The following PTPRA variants were observed in gnomAD, a reference collection of about 807,000 sequenced individuals.
PTPRA encodes the protein receptor-type tyrosine-protein phosphatase alpha.
Under a neutral mutation model 104.8 loss-of-function variants are expected in PTPRA, and 25 were observed. The observed-to-expected ratio is 0.24, with a 90% CI of 0.17 to 0.33. The LOEUF is 0.33. PTPRA is among the 10% of genes least tolerant of loss of function. PTPRA has a pLI of 1.00. For synonymous variants in PTPRA, 323 were observed against 368.9 expected (o/e 0.88, Z 1.43); for missense variants, 765 against 1,015.3 (o/e 0.75, Z 3.35).
At chr20:3,016,552 A>G (rs1475304888) in intron 12 of PTPRA, among the ~76,000 whole-genome samples, 9 of 152,236 alleles carry the variant, frequency 5.9e-5, no homozygotes, top group Admixed American at 5.9e-4. Flanking sequence ...GTTCAAGATC[A>G]GCCTGGGCAA....
intron 11 of PTPRA, among the ~76,000 whole-genome samples, chr20:3,014,726 C>G (rs528941854): frequency 6.6e-6 from 1 of 152,286 alleles, no homozygotes; most frequent in Non-Finnish European, 1.5e-5. Flanking sequence ...GTTCACATTG[C>G]CACCCTGGTG....
chr20:3,004,134 C>T (rs2063752986), intron 9 of PTPRA, among the ~76,000 whole-genome samples: 1 of 152,250 alleles, frequency 6.6e-6, no homozygotes, highest in African/African-American at 2.4e-5. Context: ...TCTCCTGCCT[C>T]AGCCTCCTGA....
intron 2 of PTPRA, among the ~76,000 whole-genome samples, chr20:2,941,351 C>A (rs1400581837): frequency 3.3e-5 from 5 of 152,128 alleles, no homozygotes; most frequent in African/African-American, 1.2e-4. Flanking sequence ...TGTTATCTGA[C>A]TTACTGGATG....
intron 6 of PTPRA, among the ~76,000 whole-genome samples, chr20:2,984,550 A>G (rs574594052): frequency 1.3e-5 from 2 of 152,294 alleles, no homozygotes; most frequent in African/African-American, 2.4e-5. Context: ...CTCTCACCTC[A>G]TGGCTACTGC....
chr20:2,970,805 CGT>C (rs10616041), intron 5 of PTPRA, among the ~76,000 whole-genome samples: 16,933 of 149,030 alleles, frequency 0.11, 2,291 homozygotes, highest in African/African-American at 0.31. Flanking sequence ...TCTATGGTTT[CGT>C]GTGTGTGTGT....
chr20:2,891,842 T>C (rs1322818961), intron 1 of PTPRA, among the ~76,000 whole-genome samples: 2 of 152,158 alleles, frequency 1.3e-5, no homozygotes, highest in African/African-American at 2.4e-5. Context: ...CTGTGTACTT[T>C]ATAGGCCCTA....
intron 1 of PTPRA, among the ~76,000 whole-genome samples, chr20:2,882,005 A>G (rs900165804): frequency 1.3e-5 from 2 of 152,198 alleles, no homozygotes; most frequent in African/African-American, 4.8e-5. Context: ...TTCAGGGGAA[A>G]AAAAGAAAAA....
At chr20:2,891,196 G>A (rs760433309) in intron 1 of PTPRA, among the ~76,000 whole-genome samples, 1 of 151,982 alleles carries the variant, frequency 6.6e-6, no homozygotes, top group Non-Finnish European at 1.5e-5. Flanking sequence ...CTTAATTCAG[G>A]CTGCTTCTCA....
chr20:2,927,527 A>G (rs750930904), intron 2 of PTPRA, among the ~76,000 whole-genome samples: 2 of 152,130 alleles, frequency 1.3e-5, no homozygotes, highest in African/African-American at 2.4e-5. Context: ...GGCTAGTTCA[A>G]ACCATACACT....
rs2065165267 is a variant in PTPRA at position 3,026,770 on chromosome 20, G to C, written c.1698G>C (p.Gln566His). Reference protein sequence around the residue: ...PANMKKNRVLQIIPYEFNRVI... With the variant: ...PANMKKNRVLHIIPYEFNRVI... ...ACATGAAGAAGAACCGTGTTTTACA[G>C]ATCATTCCATGTAAGAGCCCTCCCG... The change falls in exon 18 of 24, where the codon CAG becomes CAC. Residue 566 changes from glutamine to histidine, a missense_variant. Gln to His is a conservative substitution (Grantham distance 24). Transcript: ENST00000399903. 6.2e-7 allele frequency: 1 copy of C among 1,609,230 alleles called. No homozygotes were observed. Among genetic ancestry groups the C allele is most frequent in the African/African-American group, 1.3e-5 (1 of 74,896 alleles).
At chr20:2,875,338 C>G (rs1244019916) in intron 1 of PTPRA, among the ~76,000 whole-genome samples, 1 of 152,218 alleles carries the variant, frequency 6.6e-6, no homozygotes, top group Non-Finnish European at 1.5e-5. Context: ...AAAAGCCCTT[C>G]AGTCTCTTTT....
chr20:3,037,924 A>T lies in PTPRA; in HGVS notation c.2335-135A>T. 1 of 726,542 alleles carries T rather than the reference A, an allele frequency of 1.4e-6. No homozygotes were observed. Among genetic ancestry groups the T allele is most frequent in the Non-Finnish European group, 2.4e-6 (1 of 423,814 alleles). The allele number at this position is 726,542 out of a possible 1,614,324, so 45.0% of individuals were successfully genotyped here. A position where few individuals can be genotyped will look rare whatever the true frequency, so the allele number is the denominator to read the frequency against. ...GTCAGAACTCTGGCAGGCAGATCAG[A>T]GCTCAGGTGAAAGTTCAAAAACATT... On this transcript the variant is annotated intron_variant, in intron 23 of 23. Transcript: ENST00000399903. The surrounding 1 kb of genome is among the most constrained non-coding windows in gnomAD (Gnocchi z 4.3).
chr20:2,989,941 C>T (rs751137786), intron 9 of PTPRA, among the ~76,000 whole-genome samples: 7 of 151,792 alleles, frequency 4.6e-5, no homozygotes, highest in African/African-American at 1.2e-4. Flanking sequence ...GGTCAGAACC[C>T]GGGAGGCGGA....
intron 1 of PTPRA, among the ~76,000 whole-genome samples, chr20:2,905,959 T>TA (rs757068529): frequency 2.0e-5 from 3 of 152,162 alleles, no homozygotes; most frequent in Non-Finnish European, 4.4e-5. Context: ...GTGCTGGTAT[T>TA]ACAGGTGTGA....
intron 2 of PTPRA, among the ~76,000 whole-genome samples, chr20:2,934,623 G>C (rs1329175133): frequency 6.7e-6 from 1 of 149,458 alleles, no homozygotes; most frequent in Non-Finnish European, 1.5e-5. Flanking sequence ...AGCTGCAGTA[G>C]TACAGGTTCC....
At chr20:2,880,728 G>A (rs1022977909) in intron 1 of PTPRA, among the ~76,000 whole-genome samples, 2 of 152,066 alleles carry the variant, frequency 1.3e-5, no homozygotes, top group East Asian at 1.9e-4. Flanking sequence ...CCTTTTAATC[G>A]TATGTAGAAC....
intron 5 of PTPRA, among the ~76,000 whole-genome samples, chr20:2,968,145 C>G (rs1388469901): frequency 6.6e-6 from 1 of 152,262 alleles, no homozygotes; most frequent in East Asian, 1.9e-4. Context: ...TCGGTAGATT[C>G]CTGAGAAAAG....
At chr20:2,877,540 T>C (rs1281082813) in intron 1 of PTPRA, among the ~76,000 whole-genome samples, 3 of 152,198 alleles carry the variant, frequency 2.0e-5, no homozygotes, top group Non-Finnish European at 4.4e-5. Flanking sequence ...ATTACAAGCA[T>C]GAGCCACCGT....
chr20:2,867,974 G>A, the PTPRA span, among the ~76,000 whole-genome samples: 1 of 152,192 alleles, frequency 6.6e-6, no homozygotes, highest in Non-Finnish European at 1.5e-5. Flanking sequence ...TTGTAACAGG[G>A]ATGGTTTGTG....
Sources: allele counts gnomAD v4.1 joint callset (sites outside exome capture counted in the v4.1 genomes callset), GRCh38; gene constraint gnomAD v4.1.1; non-coding constraint Gnocchi (gnomAD v3.1); transcripts MANE v1.5; gene names NCBI Gene and HGNC (gene_info 2026-07-23, HGNC 2026-07-21).